The following ARHGEF3 variants were observed in gnomAD, a reference collection of about 807,000 sequenced individuals.
ARHGEF3 encodes the protein 59.8 kDA protein.
Under a neutral mutation model 63.2 loss-of-function variants are expected in ARHGEF3, and 28 were observed. The ratio of observed to expected loss-of-function variants is 0.44; its 90% CI spans 0.33 to 0.61. The LOEUF (loss-of-function observed/expected upper bound fraction) is 0.61. ARHGEF3 is among the 20% of genes least tolerant of loss of function. The pLI is 0.03. For synonymous variants in ARHGEF3, 266 were observed against 254.2 expected, an observed-to-expected ratio of 1.05 and a Z score of -0.44; for missense variants, 533 against 659.3, an observed-to-expected ratio of 0.81 and a Z score of 2.10.
At chr3:56,887,425 G>A (rs1324623684) in intron 3 of ARHGEF3, among the ~76,000 whole-genome samples, 1 of 152,192 alleles carries the variant, frequency 6.6e-6, no homozygotes, top group Non-Finnish European at 1.5e-5. Flanking sequence ...ACTCTGGGAT[G>A]TTATCTGTAG....
At chr3:56,792,834 A>G (rs1419771028) in intron 1 of ARHGEF3, among the ~76,000 whole-genome samples, 1 of 151,546 alleles carries the variant, frequency 6.6e-6, no homozygotes, top group Non-Finnish European at 1.5e-5. Flanking sequence ...TTTTTTTTAA[A>G]TAGAGACAAG....
intron 4 of ARHGEF3, among the ~76,000 whole-genome samples, chr3:56,751,938 A>G (rs2034781161): frequency 6.6e-6 from 1 of 152,228 alleles, no homozygotes; most frequent in Non-Finnish European, 1.5e-5. Flanking sequence ...ACTAAAATAG[A>G]ACACAAAGAC....
chr3:56,796,321 G>T (rs934908846), intron 1 of ARHGEF3, among the ~76,000 whole-genome samples: 14 of 152,268 alleles, frequency 9.2e-5, no homozygotes, highest in African/African-American at 3.4e-4. Context: ...GACACAATTT[G>T]CAAATATCCA....
At chr3:56,760,290 A>T (rs1251087319) in intron 2 of ARHGEF3, among the ~76,000 whole-genome samples, 1 of 152,234 alleles carries the variant, frequency 6.6e-6, no homozygotes, top group African/African-American at 2.4e-5. Context: ...AGGTATTATT[A>T]TCAATCTGAT....
intron 2 of ARHGEF3, among the ~76,000 whole-genome samples, chr3:57,004,683 T>C (rs1702401423): frequency 6.6e-6 from 1 of 152,246 alleles, no homozygotes; most frequent in African/African-American, 2.4e-5. Context: ...TAATAGTTTA[T>C]GCAGCCGGCG....
rs552400059 is a variant in ARHGEF3 at position 56,778,305 on chromosome 3, C to T, written c.97-4489G>A. ...CACGTAGTGAGCAATTTGCTTAAAG[C>T]CATTCAGCTAAAACAAGGTGACCAG... On this transcript the variant is annotated intron_variant, in intron 1 of 9. Coordinates refer to ENST00000296315, the MANE Select transcript of ARHGEF3 (RefSeq NM_019555.3). Among the ~76,000 whole-genome samples the T allele has an allele frequency of 5.3e-5, 8 of 152,282 alleles. No individual in the cohort carries two copies. In the South Asian group the frequency reaches 1.7e-3, roughly 32 times the overall value.
At chr3:57,067,061 T>C (rs1006108907) in intron 1 of ARHGEF3, among the ~76,000 whole-genome samples, 3 of 152,240 alleles carry the variant, frequency 2.0e-5, no homozygotes, top group African/African-American at 7.2e-5. Context: ...ATAGAAATTG[T>C]CTGTAAGGAC....
intron 2 of ARHGEF3, among the ~76,000 whole-genome samples, chr3:56,963,807 C>T (rs1341551645): frequency 6.6e-6 from 1 of 152,172 alleles, no homozygotes; most frequent in African/African-American, 2.4e-5. Flanking sequence ...TTTTTAGTTT[C>T]TGTTTTTAGG....
At chr3:56,919,693 A>T (rs62251090) in intron 3 of ARHGEF3, among the ~76,000 whole-genome samples, 17,957 of 152,284 alleles carry the variant, frequency 0.12, 1,269 homozygotes, top group Non-Finnish European at 0.16. Context: ...CTGAAACCAC[A>T]GCGACTAAGG....
At chr3:56,749,647 G>A (rs2034606747) in intron 6 of ARHGEF3, among the ~76,000 whole-genome samples, 1 of 152,186 alleles carries the variant, frequency 6.6e-6, no homozygotes, top group Non-Finnish European at 1.5e-5. Context: ...GTGGGCTAAA[G>A]AAGTTAAAAC....
intron 1 of ARHGEF3, among the ~76,000 whole-genome samples, chr3:57,036,302 C>T (rs1236628549): frequency 6.6e-6 from 1 of 152,108 alleles, no homozygotes; most frequent in East Asian, 1.9e-4. Flanking sequence ...CACAAAATGA[C>T]CACCTGGACT....
intron 4 of ARHGEF3, among the ~76,000 whole-genome samples, chr3:56,845,350 A>G (rs1420322173): frequency 6.6e-6 from 1 of 152,264 alleles, no homozygotes; most frequent in Non-Finnish European, 1.5e-5. Context: ...ATATTGTTAC[A>G]GATAACTAAT....
chr3:56,815,599 A>G (rs1226936012), intron 4 of ARHGEF3, among the ~76,000 whole-genome samples: 2 of 152,262 alleles, frequency 1.3e-5, no homozygotes, highest in Admixed American at 1.3e-4. Flanking sequence ...AACAGAGGAA[A>G]GATCAACTAT....
At chr3:56,800,054 GATAT>G (rs2037564494) in intron 1 of ARHGEF3, among the ~76,000 whole-genome samples, 1 of 152,136 alleles carries the variant, frequency 6.6e-6, no homozygotes, top group African/African-American at 2.4e-5. Context: ...TCATATTTGT[GATAT>G]ATAGACATAT....
intron 4 of ARHGEF3, among the ~76,000 whole-genome samples, chr3:56,857,443 C>T (rs930713395): frequency 1.3e-5 from 2 of 152,172 alleles, no homozygotes; most frequent in Non-Finnish European, 2.9e-5. Context: ...AACATATCAA[C>T]CCAGTGGCTA....
At chr3:57,010,047 T>TGACCTCAGGGCTTTC (rs1426633611) in intron 2 of ARHGEF3, among the ~76,000 whole-genome samples, 7 of 152,212 alleles carry the variant, frequency 4.6e-5, no homozygotes, top group Non-Finnish European at 8.8e-5. Context: ...CCCGGGCTTC[T>TGACCTCAGGGCTTTC]GACCTCAGGG....
chr3:56,802,751 A>G (rs147360608), upstream of ARHGEF3, among the ~76,000 whole-genome samples: 180 of 152,314 alleles, frequency 1.2e-3, no homozygotes, highest in African/African-American at 3.9e-3. Flanking sequence ...TTGGAGAAAC[A>G]ATGACATTAT....
intron 3 of ARHGEF3, among the ~76,000 whole-genome samples, chr3:56,909,937 G>A (rs927359568): frequency 6.6e-6 from 1 of 152,132 alleles, no homozygotes; most frequent in African/African-American, 2.4e-5. Context: ...TACATCTTAC[G>A]AGACATCATG....
At chr3:56,913,121 A>C (rs1360950074) in intron 3 of ARHGEF3, among the ~76,000 whole-genome samples, 1 of 151,476 alleles carries the variant, frequency 6.6e-6, no homozygotes, top group Admixed American at 6.6e-5. Flanking sequence ...CCTGGGCTCG[A>C]GCAAGGCAGA....
Sources: allele counts gnomAD v4.1 joint callset (sites outside exome capture counted in the v4.1 genomes callset), GRCh38; gene constraint gnomAD v4.1.1; transcripts MANE v1.5; gene names NCBI Gene and HGNC (gene_info 2026-07-23, HGNC 2026-07-21).